Variants in YWHAE observed in about 807,000 individuals in gnomAD.
YWHAE encodes the protein 14-3-3 protein epsilon.
In YWHAE, 4 loss-of-function variants were observed where a neutral mutation model predicts 30.1. The ratio of observed to expected loss-of-function variants is 0.13; its 90% CI spans 0.07 to 0.30. YWHAE has a LOEUF of 0.30. Among genes scored for constraint, YWHAE ranks in the 10% least tolerant of loss-of-function variants. The pLI is 1.00. For missense variants in YWHAE, 121 were observed against 315.9 expected, an observed-to-expected ratio of 0.38 and a Z score of 4.68; for synonymous variants, 118 against 111.8, an observed-to-expected ratio of 1.06 and a Z score of -0.35.
intron 4 of YWHAE, among the ~76,000 whole-genome samples, chr17:1,355,900 G>C (rs2150843613): frequency 6.6e-6 from 1 of 152,162 alleles, no homozygotes; most frequent in Non-Finnish European, 1.5e-5. Context: ...CGGGTGCAGT[G>C]GCTCAAGCCT....
In YWHAE at chr17:1,361,894, G is replaced by A. The variant is rs1440789982; in HGVS notation, c.371+8C>T. 21 of 1,574,698 alleles carry A rather than the reference G, an allele frequency of 1.3e-5. No individual in the cohort carries two copies. In the South Asian group the frequency reaches 2.2e-4, roughly 17 times the overall value. On this transcript the variant is annotated splice_region_variant and intron_variant, in intron 3 of 5. Coordinates refer to ENST00000264335, the MANE Select transcript of YWHAE (RefSeq NM_006761.5). ...ATCTTACATTTTCCCTTCTAGTATA[G>A]AACCTACATTTTATAATAGAAAACC... is the stretch of plus-strand genomic sequence containing the variant.
At chr17:1,345,607 A>G in intron 5 of YWHAE, 108 bp from the exon 6 acceptor site, 1 of 1,203,428 alleles carries the variant, frequency 8.3e-7, no homozygotes. Context: ...ACTTGCTACA[A>G]TTGGTATTAA....
At chr17:1,348,197 T>C (rs2072558754) in intron 5 of YWHAE, among the ~76,000 whole-genome samples, 2 of 152,198 alleles carry the variant, frequency 1.3e-5, no homozygotes, top group Admixed American at 1.3e-4. Flanking sequence ...AAGGAAGTAA[T>C]ATCCTCTTGA....
intron 4 of YWHAE, among the ~76,000 whole-genome samples, chr17:1,360,419 T>A (rs1414432860): frequency 6.6e-6 from 1 of 151,976 alleles, no homozygotes; most frequent in South Asian, 2.1e-4. Flanking sequence ...AAACAGAAAA[T>A]ATAAAATTAT....
In YWHAE at chr17:1,355,953, G is replaced by A. The variant is rs947459417; in HGVS notation, c.579-1606C>T. 2.6e-5 allele frequency among the ~76,000 whole-genome samples: 4 copies of A among 152,136 alleles called. No individual in the cohort carries two copies. In the East Asian group the frequency reaches 7.7e-4, roughly 29 times the overall value. ...GGAGGCAGAAGCGGGCGGATCACGT[G>A]GTTAGGAGATCGAGACCATCCTGGC... On this transcript the variant is annotated intron_variant, in intron 4 of 5. Transcript: ENST00000264335.
At chr17:1,379,941 G>C (rs2073179489) in intron 1 of YWHAE, among the ~76,000 whole-genome samples, 1 of 152,116 alleles carries the variant, frequency 6.6e-6, no homozygotes, top group Admixed American at 6.6e-5. Context: ...CTTTTCTGAA[G>C]AGGCCCTATT....
At chr17:1,376,894 C>G (rs1427351566) in intron 1 of YWHAE, among the ~76,000 whole-genome samples, 1 of 151,736 alleles carries the variant, frequency 6.6e-6, no homozygotes, top group African/African-American at 2.4e-5. Flanking sequence ...GATTAATGTT[C>G]CTCTTACCAA....
chr17:1,360,444 T>TA (rs1312397332), intron 4 of YWHAE, among the ~76,000 whole-genome samples: 1 of 151,934 alleles, frequency 6.6e-6, no homozygotes, highest in Non-Finnish European at 1.5e-5. Context: ...GCTACGAGAG[T>TA]AACTATTAAA....
intron 1 of YWHAE, among the ~76,000 whole-genome samples, chr17:1,369,442 C>T (rs370503505): frequency 1.3e-5 from 2 of 152,108 alleles, no homozygotes; most frequent in African/African-American, 4.8e-5. Flanking sequence ...TGCAGTGACC[C>T]GAGATGGCTC....
At chr17:1,360,945 T>C in intron 4 of YWHAE, 147 bp downstream of exon 4, 4 of 686,666 alleles carry the variant, frequency 5.8e-6, no homozygotes, top group South Asian at 3.8e-5. Context: ...TCTGTTTTAA[T>C]ACTATCCAAA....
intron 1 of YWHAE, among the ~76,000 whole-genome samples, chr17:1,365,496 A>G (rs1006964124): frequency 7.9e-5 from 12 of 152,242 alleles, no homozygotes; most frequent in African/African-American, 2.9e-4. Context: ...TCATACAGCA[A>G]AAATATACGG....
At chr17:1,383,866 G>A (rs1221150054) in intron 1 of YWHAE, among the ~76,000 whole-genome samples, 1 of 151,948 alleles carries the variant, frequency 6.6e-6, no homozygotes, top group Non-Finnish European at 1.5e-5. Context: ...TTCAAGACCG[G>A]CCTGGGCAAT....
intron 1 of YWHAE, among the ~76,000 whole-genome samples, chr17:1,396,431 A>G (rs933255958): frequency 2.6e-5 from 4 of 152,298 alleles, no homozygotes; most frequent in Non-Finnish European, 4.4e-5. Context: ...CTCAAAAGAA[A>G]AAAAAGACAG....
chr17:1,354,963 AGTTTTTTTTTTTTTT>A (rs1162788709), intron 4 of YWHAE, among the ~76,000 whole-genome samples: 1 of 66,848 alleles, frequency 1.5e-5, no homozygotes, highest in African/African-American at 4.8e-5. Flanking sequence ...CGCCCAGCCT[AGTTTTTTTTTTTTTT>A]TTTTTTTTTT....
At chr17:1,359,135 C>CA (rs1216321081) in intron 4 of YWHAE, among the ~76,000 whole-genome samples, 9 of 146,664 alleles carry the variant, frequency 6.1e-5, no homozygotes, top group Admixed American at 1.4e-4. Flanking sequence ...GGCTCTCCCT[C>CA]AAAAAAAAGA....
intron 1 of YWHAE, among the ~76,000 whole-genome samples, chr17:1,396,790 T>G (rs538907156): frequency 6.6e-6 from 1 of 151,980 alleles, no homozygotes; most frequent in Non-Finnish European, 1.5e-5. Context: ...CCCCGGCTAA[T>G]TTTGTATTTT....
intron 1 of YWHAE, among the ~76,000 whole-genome samples, chr17:1,387,960 C>G (rs1352803502): frequency 7.4e-6 from 1 of 136,022 alleles, no homozygotes; most frequent in African/African-American, 2.8e-5. Flanking sequence ...GAGTCTCACT[C>G]TGTCGTTCAG....
At chr17:1,383,930 GCA>G (rs2073258360) in intron 1 of YWHAE, among the ~76,000 whole-genome samples, 1 of 151,880 alleles carries the variant, frequency 6.6e-6, no homozygotes, top group Non-Finnish European at 1.5e-5. Flanking sequence ...AGAGGGCTGG[GCA>G]CAGTGGCTCA....
chr17:1,389,757 G>A (rs1359842155), intron 1 of YWHAE, among the ~76,000 whole-genome samples: 1 of 151,770 alleles, frequency 6.6e-6, no homozygotes, highest in African/African-American at 2.4e-5. Context: ...GTCTCAATCT[G>A]CTGACCTCGT....
Sources: allele counts gnomAD v4.1 joint callset (sites outside exome capture counted in the v4.1 genomes callset), GRCh38; gene constraint gnomAD v4.1.1; transcripts MANE v1.5; gene names NCBI Gene and HGNC (gene_info 2026-07-23, HGNC 2026-07-21).